BACH2: variants seen among roughly 807,000 people sequenced by gnomAD.
BACH2 encodes transcription regulator protein BACH2.
Under a neutral mutation model 61.8 loss-of-function variants are expected in BACH2, and 5 were observed. The ratio of observed to expected loss-of-function variants is 0.08; its 90% CI spans 0.04 to 0.17. The LOEUF (loss-of-function observed/expected upper bound fraction) is 0.17. Among genes scored for constraint, BACH2 ranks in the 10% least tolerant of loss-of-function variants. The pLI is 1.00. For synonymous variants in BACH2, 446 were observed against 440.1 expected, an observed-to-expected ratio of 1.01 and a Z score of -0.17; for missense variants, 824 against 1,091.1, an observed-to-expected ratio of 0.76 and a Z score of 3.45.
intron 1 of BACH2, among the ~76,000 whole-genome samples, chr6:90,290,991 A>C (rs774271397): frequency 9.9e-5 from 15 of 152,216 alleles, no homozygotes; most frequent in Non-Finnish European, 2.2e-4. Flanking sequence ...CAAGGACAGG[A>C]GGGACCTAGC....
intron 5 of BACH2, among the ~76,000 whole-genome samples, chr6:90,029,945 G>A (rs1047726323): frequency 6.6e-6 from 1 of 152,218 alleles, no homozygotes; most frequent in Non-Finnish European, 1.5e-5. Flanking sequence ...GGCTTAGATT[G>A]ACACAGTGAA....
chr6:90,178,476 T>C (rs1350250590), intron 4 of BACH2, among the ~76,000 whole-genome samples: 1 of 152,196 alleles, frequency 6.6e-6, no homozygotes, highest in African/African-American at 2.4e-5. Context: ...CTACTAGTAA[T>C]AGTGCGTAAA....
intron 5 of BACH2, among the ~76,000 whole-genome samples, chr6:90,071,557 C>G (rs567451646): frequency 1.3e-5 from 2 of 152,322 alleles, no homozygotes; most frequent in East Asian, 3.9e-4. Context: ...GGCAGTACAG[C>G]CTTTTCTTCC....
At chr6:90,055,261 T>C (rs972767284) in intron 5 of BACH2, among the ~76,000 whole-genome samples, 13 of 151,990 alleles carry the variant, frequency 8.6e-5, no homozygotes, top group Non-Finnish European at 1.6e-4. Flanking sequence ...GAATAATCAA[T>C]GCAGAGAAGT....
At chr6:89,973,806 G>A (rs907941230) in intron 6 of BACH2, among the ~76,000 whole-genome samples, 1 of 152,068 alleles carries the variant, frequency 6.6e-6, no homozygotes, top group Non-Finnish European at 1.5e-5. Flanking sequence ...AAGTTAAAGT[G>A]ATGCAGGCAT....
intron 5 of BACH2, among the ~76,000 whole-genome samples, chr6:90,053,399 C>T (rs973494498): frequency 6.6e-6 from 1 of 152,168 alleles, no homozygotes; most frequent in African/African-American, 2.4e-5. Flanking sequence ...CCCGCCTCAG[C>T]CTCCTGAGTA....
intron 4 of BACH2, among the ~76,000 whole-genome samples, chr6:90,107,819 G>C (rs1782992336): frequency 6.6e-6 from 1 of 152,002 alleles, no homozygotes; most frequent in African/African-American, 2.4e-5. Context: ...ACATGAAAGA[G>C]AACTGTGCTC....
Position 89,927,787 on chromosome 6 carries a change from T to G in BACH2, c.*4621A>C, listed in dbSNP as rs1327380724. 6.5e-6 allele frequency: 1 copy of G among 152,824 alleles called. No individual in the cohort carries two copies. Among genetic ancestry groups the G allele is most frequent in the Non-Finnish European group, 1.5e-5 (1 of 68,046 alleles). The allele number at this position is 152,824 out of a possible 1,614,324, so 9.5% of individuals were successfully genotyped here. The stretch of plus-strand genomic sequence containing the variant: ...ACTATAAACTTTTCTTTGCAAGTAA[T>G]GTTTTTGCACCGTCAGTTGAATAAT... On this transcript the variant is annotated 3_prime_UTR_variant, in exon 9 of 9. Coordinates refer to ENST00000257749, the MANE Select transcript of BACH2 (RefSeq NM_021813.4).
intron 4 of BACH2, among the ~76,000 whole-genome samples, chr6:90,150,112 TAGCA>T (rs1784760711): frequency 6.6e-6 from 1 of 152,188 alleles, no homozygotes; most frequent in African/African-American, 2.4e-5. Flanking sequence ...GGGGTTTGAT[TAGCA>T]CCAGAGCCTT....
At chr6:89,949,209 G>A (rs375663894) in intron 7 of BACH2, among the ~76,000 whole-genome samples, 2 of 152,180 alleles carry the variant, frequency 1.3e-5, no homozygotes, top group South Asian at 2.1e-4. Flanking sequence ...CAAGGTTGCC[G>A]GCCTCAGGAG....
At chr6:90,009,894 A>AC (rs1777615010) in intron 5 of BACH2, among the ~76,000 whole-genome samples, 1 of 152,100 alleles carries the variant, frequency 6.6e-6, no homozygotes, top group Admixed American at 6.5e-5. Context: ...TGAACTCCTG[A>AC]CCTCAGGTGA....
chr6:90,291,105 G>A (rs1772163958), intron 1 of BACH2, among the ~76,000 whole-genome samples: 1 of 152,108 alleles, frequency 6.6e-6, no homozygotes, highest in South Asian at 2.1e-4. Flanking sequence ...AGAACCAAAG[G>A]GCAATTCATT....
chr6:90,188,723 C>T (rs1339630935), intron 4 of BACH2, among the ~76,000 whole-genome samples: 2 of 131,026 alleles, frequency 1.5e-5, no homozygotes, highest in African/African-American at 2.9e-5. Context: ...TTACTTCATA[C>T]TACCAATCTA....
intron 2 of BACH2, among the ~76,000 whole-genome samples, chr6:90,259,708 T>A (rs909933362): frequency 2.0e-5 from 3 of 152,202 alleles, no homozygotes; most frequent in African/African-American, 7.2e-5. Flanking sequence ...TGGGCTTGTC[T>A]TTGTTGAGAG....
chr6:90,187,448 C>T (rs934148293), intron 4 of BACH2, among the ~76,000 whole-genome samples: 4 of 152,216 alleles, frequency 2.6e-5, no homozygotes, highest in African/African-American at 9.7e-5. Context: ...CTGACAAGGA[C>T]TAACATCACC....
At chr6:90,050,388 A>G (rs1029269255) in intron 5 of BACH2, among the ~76,000 whole-genome samples, 11 of 152,300 alleles carry the variant, frequency 7.2e-5, no homozygotes, top group African/African-American at 2.4e-4. Flanking sequence ...GTAATATCGA[A>G]GAAGAACACC....
At chr6:90,257,158 G>C (rs559178050) in intron 2 of BACH2, among the ~76,000 whole-genome samples, 1 of 152,134 alleles carries the variant, frequency 6.6e-6, no homozygotes, top group South Asian at 2.1e-4. Context: ...CCATATCTTA[G>C]TTATTGTGAA....
chr6:89,952,274 A>C (rs1774174611), intron 6 of BACH2, among the ~76,000 whole-genome samples: 1 of 152,188 alleles, frequency 6.6e-6, no homozygotes, highest in Admixed American at 6.5e-5. Context: ...GCTGGAGCCC[A>C]AGAGAGCCTT....
chr6:90,279,762 A>C lies in BACH2; in HGVS notation c.-445-7821T>G, dbSNP rs143669090. On this transcript the variant is annotated intron_variant, in intron 1 of 8. Transcript: ENST00000257749. ...TTTACTATACAGTAAAGCATATTTT[A>C]TCTCTTATTTTAAGTCATTTAAGAA... is the stretch of plus-strand genomic sequence containing the variant. Among the ~76,000 whole-genome samples the C allele has an allele frequency of 7.4e-3, 1,126 of 152,274 alleles. 3 individuals are homozygous for C. The highest frequency in any genetic ancestry group is 0.015 in the South Asian group (70 of 4,826).
Sources: allele counts gnomAD v4.1 joint callset (sites outside exome capture counted in the v4.1 genomes callset), GRCh38; gene constraint gnomAD v4.1.1; transcripts MANE v1.5; gene names NCBI Gene and HGNC (gene_info 2026-07-23, HGNC 2026-07-21).